Variants in KCNJ3 observed in about 807,000 individuals in gnomAD.
The protein encoded by KCNJ3 is potassium inwardly rectifying channel subfamily J member 3.
In KCNJ3, 4 loss-of-function variants were observed where a neutral mutation model predicts 39.2. The ratio of observed to expected loss-of-function variants is 0.10; its 90% CI spans 0.05 to 0.23. The LOEUF is 0.23. Ranked by LOEUF, KCNJ3 falls within the 10% of genes least tolerant of loss-of-function variation. The pLI is 1.00. For synonymous variants in KCNJ3, 230 were observed against 237.4 expected, an observed-to-expected ratio of 0.97 and a Z score of 0.29; for missense variants, 276 against 634.9, an observed-to-expected ratio of 0.43 and a Z score of 6.08.
At chr2:154,821,736 G>T (rs533548541) in intron 2 of KCNJ3, among the ~76,000 whole-genome samples, 1 of 133,320 alleles carries the variant, frequency 7.5e-6, no homozygotes, top group Non-Finnish European at 1.5e-5. Flanking sequence ...TGCCTCCCTC[G>T]TTCAAGCAAT....
At chr2:154,708,570 T>C (rs939017689) in intron 1 of KCNJ3, among the ~76,000 whole-genome samples, 1 of 152,182 alleles carries the variant, frequency 6.6e-6, no homozygotes, top group Non-Finnish European at 1.5e-5. Context: ...CATTTTTTTC[T>C]GTATTTAATT....
chr2:154,811,750 A>G (rs1687011192), intron 2 of KCNJ3, among the ~76,000 whole-genome samples: 1 of 152,128 alleles, frequency 6.6e-6, no homozygotes, highest in Admixed American at 6.5e-5. Context: ...AGCAAATTTC[A>G]GTGTGTTTTT....
At chr2:154,740,313 G>A (rs1187298718) in intron 2 of KCNJ3, among the ~76,000 whole-genome samples, 1 of 151,936 alleles carries the variant, frequency 6.6e-6, no homozygotes, top group Non-Finnish European at 1.5e-5. Context: ...GTACCTGCTG[G>A]TCTCTTAGGA....
intron 2 of KCNJ3, among the ~76,000 whole-genome samples, chr2:154,714,535 AC>A (rs973329992): frequency 2.5e-4 from 38 of 152,022 alleles, no homozygotes; most frequent in Non-Finnish European, 4.0e-4. Flanking sequence ...TATGAAACTT[AC>A]CCCCAGCTAT....
intron 2 of KCNJ3, among the ~76,000 whole-genome samples, chr2:154,798,241 G>C (rs575264806): frequency 6.7e-6 from 1 of 150,094 alleles, no homozygotes; most frequent in Non-Finnish European, 1.5e-5. Context: ...CTGTTCCCTA[G>C]CCACAGCACT....
intron 2 of KCNJ3, among the ~76,000 whole-genome samples, chr2:154,791,561 G>A (rs946525484): frequency 6.6e-6 from 1 of 152,052 alleles, no homozygotes; most frequent in Non-Finnish European, 1.5e-5. Flanking sequence ...ATCCAGGATG[G>A]ATAGGTGCAA....
chr2:154,790,447 T>C (rs1468391840), intron 2 of KCNJ3, among the ~76,000 whole-genome samples: 1 of 152,052 alleles, frequency 6.6e-6, no homozygotes, highest in Non-Finnish European at 1.5e-5. Flanking sequence ...TACATACTTA[T>C]TCTGAATCTG....
chr2:154,841,590 T>C (rs1247855844), intron 2 of KCNJ3, among the ~76,000 whole-genome samples: 1 of 152,198 alleles, frequency 6.6e-6, no homozygotes, highest in Admixed American at 6.5e-5. Context: ...TAGCTATTAA[T>C]TATTGCCTCA....
intron 2 of KCNJ3, among the ~76,000 whole-genome samples, chr2:154,796,160 T>C (rs1036449754): frequency 1.3e-5 from 2 of 152,124 alleles, no homozygotes; most frequent in African/African-American, 4.8e-5. Context: ...TGTGAGGTTA[T>C]CTGAGGAATT....
chr2:154,743,761 G>T (rs1270329938), intron 2 of KCNJ3, among the ~76,000 whole-genome samples: 2 of 151,256 alleles, frequency 1.3e-5, no homozygotes, highest in African/African-American at 2.4e-5. Flanking sequence ...AGAAAATCAT[G>T]CAATCTCCAA....
chr2:154,710,437 A>T (rs542431323), intron 2 of KCNJ3, among the ~76,000 whole-genome samples: 14 of 152,206 alleles, frequency 9.2e-5, no homozygotes, highest in African/African-American at 3.4e-4. Flanking sequence ...TTTCTCCTTA[A>T]CATCCAATAT....
intron 2 of KCNJ3, among the ~76,000 whole-genome samples, chr2:154,824,265 G>C (rs1209893207): frequency 6.6e-6 from 1 of 152,194 alleles, no homozygotes; most frequent in East Asian, 1.9e-4. Context: ...GAGCCTGGGA[G>C]GTCATGGGTG....
At chr2:154,785,421 C>T (rs948622423) in intron 2 of KCNJ3, among the ~76,000 whole-genome samples, 29 of 152,098 alleles carry the variant, frequency 1.9e-4, no homozygotes, top group African/African-American at 6.0e-4. Flanking sequence ...TTGTCCCTTC[C>T]AAAACTCATG....
At chr2:154,835,490 A>AATATGAATATATATCAAAATATATAT (rs1265255110) in intron 2 of KCNJ3, among the ~76,000 whole-genome samples, 2 of 125,202 alleles carry the variant, frequency 1.6e-5, no homozygotes, top group Admixed American at 8.7e-5. Context: ...AATATTCATG[A>AATATGAATATATATCAAAATATATAT]ATATGAATAT....
Position 154,699,537 on chromosome 2 carries a change from A to T in KCNJ3, c.702+60A>T. The stretch of plus-strand genomic sequence containing the variant: ...CTGCGTCCCCCAAACCCGCGGAGTA[A>T]CTCGTCTGAGAACCAGCCCGGGCCC... On this transcript the variant is annotated intron_variant, in intron 1 of 2. Transcript: ENST00000295101. This position sits in a 1 kb window ranked among gnomAD's most constrained non-coding sequence, Gnocchi z 6.4. The T allele has an allele frequency of 6.7e-7, 1 of 1,496,584 alleles. No individual in the cohort carries two copies. The highest frequency in any genetic ancestry group is 8.9e-7 in the Non-Finnish European group (1 of 1,124,956). 92.7% of individuals were successfully genotyped at this position (1,496,584 alleles called of 1,614,324 possible). A position where few individuals can be genotyped will look rare whatever the true frequency, so the allele number is the denominator to read the frequency against.
chr2:154,720,653 G>C (rs926620747), intron 2 of KCNJ3, among the ~76,000 whole-genome samples: 7 of 151,946 alleles, frequency 4.6e-5, no homozygotes, highest in Non-Finnish European at 8.8e-5. Context: ...GTAAAATCTG[G>C]TTCCTTGGAA....
intron 2 of KCNJ3, among the ~76,000 whole-genome samples, chr2:154,762,569 A>G (rs1446391284): frequency 1.3e-5 from 2 of 152,308 alleles, no homozygotes; most frequent in Admixed American, 6.5e-5. Flanking sequence ...AGCAAAGCCA[A>G]TTCTCCTCTT....
intron 2 of KCNJ3, among the ~76,000 whole-genome samples, chr2:154,743,107 A>G (rs1332585059): frequency 2.6e-5 from 4 of 151,820 alleles, no homozygotes; most frequent in African/African-American, 9.7e-5. Flanking sequence ...TCTTAGCACC[A>G]CTTGTAGCAA....
intron 2 of KCNJ3, among the ~76,000 whole-genome samples, chr2:154,803,514 T>C (rs1040020814): frequency 7.3e-5 from 11 of 151,576 alleles, no homozygotes; most frequent in Admixed American, 1.3e-4. Context: ...TCAAGTATGA[T>C]GGCAAAAGAA....
Sources: gnomAD v4.1 joint callset for allele counts (sites outside exome capture counted in the v4.1 genomes callset) on GRCh38, gnomAD v4.1.1 for gene constraint, Gnocchi (gnomAD v3.1) non-coding constraint, MANE v1.5 for transcripts, NCBI Gene and HGNC (gene_info 2026-07-23, HGNC 2026-07-21) for gene names.